Variants in PRLR observed in about 807,000 individuals in gnomAD.
PRLR encodes the protein prolactin receptor, also known as hPRL receptor.
PRLR carries 13 observed loss-of-function variants against 40.2 expected under a neutral mutation model. The observed-to-expected ratio is 0.32, with a 90% CI of 0.21 to 0.51. The LOEUF (loss-of-function observed/expected upper bound fraction) is 0.51. Among genes scored for constraint, PRLR ranks in the 20% least tolerant of loss-of-function variants. The pLI is 0.97. For synonymous variants in PRLR, 269 were observed against 278.7 expected (o/e 0.97, Z 0.35); for missense variants, 656 against 747.3 (o/e 0.88, Z 1.42).
At chr5:35,153,665 G>A (rs571543749) in intron 1 of PRLR, among the ~76,000 whole-genome samples, 1 of 149,870 alleles carries the variant, frequency 6.7e-6, no homozygotes, top group South Asian at 2.1e-4. Flanking sequence ...GCTTTTCTGA[G>A]TGTCGTTTCC....
In PRLR at chr5:35,056,121, G is replaced by A. The variant is rs1313678315; in HGVS notation, c.*8968C>T. The A allele has an allele frequency of 1.3e-5, 2 of 152,108 alleles. No individual in the cohort carries two copies. The highest frequency in any genetic ancestry group is 6.6e-5 in the Admixed American group (1 of 15,260). The allele number at this position is 152,108 out of a possible 1,614,324, so 9.4% of individuals were successfully genotyped here. ...ATCTGTGCTTCAAGTCAGTTTGTAA[G>A]TATCTGTTTTTAATGTGAACCTGAT... On this transcript the variant is annotated 3_prime_UTR_variant, in exon 10 of 10. Transcript: ENST00000618457.
At chr5:35,173,330 G>A (rs560071713) in intron 1 of PRLR, among the ~76,000 whole-genome samples, 1 of 152,302 alleles carries the variant, frequency 6.6e-6, no homozygotes, top group South Asian at 2.1e-4. Flanking sequence ...AGAATGGCAG[G>A]TGGAGAAAAT....
chr5:35,182,061 T>C (rs935683815), intron 1 of PRLR, among the ~76,000 whole-genome samples: 1 of 152,166 alleles, frequency 6.6e-6, no homozygotes, highest in Non-Finnish European at 1.5e-5. Flanking sequence ...CACGGTCTCA[T>C]GACAAACAAG....
chr5:35,097,843 AG>A (rs1291507200), intron 2 of PRLR, among the ~76,000 whole-genome samples: 1 of 152,124 alleles, frequency 6.6e-6, no homozygotes, highest in Non-Finnish European at 1.5e-5. Flanking sequence ...GGCCCTAGGA[AG>A]GGGATTTTTA....
intron 1 of PRLR, among the ~76,000 whole-genome samples, chr5:35,188,457 G>T (rs547181763): frequency 6.6e-6 from 1 of 152,176 alleles, no homozygotes; most frequent in African/African-American, 2.4e-5. Context: ...CTGAGTGAGC[G>T]ACAGACATGG....
chr5:35,204,821 A>T (rs72734580), intron 1 of PRLR, among the ~76,000 whole-genome samples: 15,993 of 152,196 alleles, frequency 0.11, 981 homozygotes, highest in Non-Finnish European at 0.13. Context: ...ACCTGATACA[A>T]CATGGGGTCT....
At chr5:35,209,636 C>T (rs1776118179) in intron 1 of PRLR, among the ~76,000 whole-genome samples, 1 of 152,214 alleles carries the variant, frequency 6.6e-6, no homozygotes, top group South Asian at 2.1e-4. Flanking sequence ...CCTTTCTCAT[C>T]TTCTGAAGTA....
At chr5:35,104,266 G>A (rs781661110) in intron 2 of PRLR, among the ~76,000 whole-genome samples, 2 of 152,132 alleles carry the variant, frequency 1.3e-5, no homozygotes, top group Non-Finnish European at 2.9e-5. Context: ...GTTCCAAGAC[G>A]GCCAAATAGG....
Position 35,070,149 on chromosome 5 carries a change from T to A in PRLR, c.660A>T (p.Pro220=), listed in dbSNP as rs777581495. 34 of 1,613,304 alleles carry A rather than the reference T, an allele frequency of 2.1e-5. No homozygotes were observed. The highest frequency in any genetic ancestry group is 2.9e-5 in the Non-Finnish European group (34 of 1,179,898). Residue 220 remains proline (P), a synonymous_variant, in exon 7 of 10, where the codon CCA becomes CCT. Coordinates refer to ENST00000618457, the MANE Select transcript of PRLR (RefSeq NM_000949.7). ...CACTAGGTATCTGAATGAAGGTCGC[T>A]GGACTCCATGCACTCCAGTATCCAT... is the stretch of plus-strand genomic sequence containing the variant. ...PDHGYWSAWS[P]ATFIQIPSDF... is the part of the protein sequence containing the mutation.
In PRLR at chr5:35,062,597, A is replaced by G. The variant is rs1769109368; in HGVS notation, c.*2492T>C. The G allele has an allele frequency of 6.6e-6, 1 of 152,212 alleles. No homozygotes were observed. The highest frequency in any genetic ancestry group is 2.4e-5 in the African/African-American group (1 of 41,450). The allele number at this position is 152,212 out of a possible 1,614,324, so 9.4% of individuals were successfully genotyped here. On this transcript the variant is annotated 3_prime_UTR_variant, in exon 10 of 10. Transcript: ENST00000618457. ...TTTTTCATACGTATTATACAAAATT[A>G]TATGTCAAAAGCAGATTACTTTTAT...
At chr5:35,074,504 CATAT>C (rs3034214) in intron 5 of PRLR, among the ~76,000 whole-genome samples, 1 of 132,616 alleles carries the variant, frequency 7.5e-6, no homozygotes, top group African/African-American at 3.3e-5. Context: ...TTTATGATTC[CATAT>C]ATATATATAT....
chr5:35,122,488 T>A (rs1773325067), intron 1 of PRLR, among the ~76,000 whole-genome samples: 1 of 152,210 alleles, frequency 6.6e-6, no homozygotes, highest in African/African-American at 2.4e-5. Flanking sequence ...CACTTATAAG[T>A]GAGAACATGC....
rs1770716050 is a variant in PRLR, at chr5:35,084,453, A to G, written c.373+17T>C. 1.3e-6 allele frequency: 2 copies of G among 1,540,282 alleles called. No homozygotes were observed. The highest frequency in any genetic ancestry group is 1.7e-4 in the Middle Eastern group (1 of 5,828). On this transcript the variant is annotated intron_variant, in intron 5 of 9. Coordinates refer to ENST00000618457, the MANE Select transcript of PRLR (RefSeq NM_000949.7). ...TAGTGGAGTAAGAAATTCCTCACCC[A>G]CTTTCCTTCCCCTTACCTATGTAAG... is the stretch of plus-strand genomic sequence containing the variant.
At chr5:35,087,102 T>G (rs1770903264) in intron 3 of PRLR, among the ~76,000 whole-genome samples, 1 of 152,142 alleles carries the variant, frequency 6.6e-6, no homozygotes, top group South Asian at 2.1e-4. Context: ...CAAGCAATTC[T>G]GCCTCAGCCT....
At chr5:35,176,875 C>G (rs999514270) in intron 1 of PRLR, among the ~76,000 whole-genome samples, 1 of 152,180 alleles carries the variant, frequency 6.6e-6, no homozygotes, top group Admixed American at 6.5e-5. Context: ...AAGAGGAAGG[C>G]ATCTGTCTCC....
At chr5:35,168,044 C>T (rs914462081) in intron 1 of PRLR, among the ~76,000 whole-genome samples, 1 of 151,740 alleles carries the variant, frequency 6.6e-6, no homozygotes, top group Non-Finnish European at 1.5e-5. Context: ...TAACACTAAC[C>T]TGAAGAAAGT....
intron 1 of PRLR, among the ~76,000 whole-genome samples, chr5:35,167,844 T>C (rs762113143): frequency 7.0e-6 from 1 of 143,432 alleles, no homozygotes; most frequent in East Asian, 2.0e-4. Flanking sequence ...AAAATTGTCA[T>C]TGTTTAAAAT....
At chr5:35,077,251 A>C (rs1029202370) in intron 5 of PRLR, among the ~76,000 whole-genome samples, 1 of 152,236 alleles carries the variant, frequency 6.6e-6, no homozygotes, top group Non-Finnish European at 1.5e-5. Context: ...ACAGACTGGC[A>C]AATTGGATAA....
At chr5:35,190,615 GA>G (rs59704593) in intron 1 of PRLR, among the ~76,000 whole-genome samples, 90,783 of 148,250 alleles carry the variant, frequency 0.61, 28,244 homozygotes, top group Non-Finnish European at 0.69. Context: ...TTTGCCTCAG[GA>G]AAAAAAAAAA....
Sources: allele counts gnomAD v4.1 joint callset (sites outside exome capture counted in the v4.1 genomes callset), GRCh38; gene constraint gnomAD v4.1.1; transcripts MANE v1.5; gene names NCBI Gene and HGNC (gene_info 2026-07-23, HGNC 2026-07-21).